Variants in MID2 observed in about 807,000 individuals in gnomAD.
MID2 encodes probable E3 ubiquitin-protein ligase MID2.
Under a neutral mutation model 46.1 loss-of-function variants are expected in MID2, and 13 were observed. The observed-to-expected ratio is 0.28, with a 90% CI of 0.18 to 0.45. The LOEUF is 0.45. Among genes scored for constraint, MID2 ranks in the 20% least tolerant of loss-of-function variants. The pLI, the probability that MID2 is intolerant of heterozygous loss-of-function variation, is 1.00. For synonymous variants in MID2, 199 were observed against 212.3 expected, an observed-to-expected ratio of 0.94 and a Z score of 0.55; for missense variants, 431 against 575.4, an observed-to-expected ratio of 0.75 and a Z score of 2.57.
At chrX:107,841,583 A>T (rs1931348660) in intron 2 of MID2, among the ~76,000 whole-genome samples, 198 bp downstream of exon 2, 1 of 112,408 alleles carries the variant, frequency 8.9e-6, no homozygotes, top group Admixed American at 9.4e-5. Context: ...GCAGTCACAC[A>T]CTTCTGGCTA....
intron 3 of MID2, among the ~76,000 whole-genome samples, chrX:107,877,472 A>T (rs1349112604): frequency 1.8e-5 from 2 of 112,189 alleles, no homozygotes; most frequent in African/African-American, 6.5e-5. Flanking sequence ...TCTTTCAGTG[A>T]AAACTTGAGG....
At chrX:107,850,850 C>T (rs929997876) in intron 2 of MID2, among the ~76,000 whole-genome samples, 3 of 111,646 alleles carry the variant, frequency 2.7e-5, no homozygotes, top group Non-Finnish European at 5.6e-5. Flanking sequence ...TTTGCTATGT[C>T]CTGCTCTGTA....
intron 3 of MID2, among the ~76,000 whole-genome samples, chrX:107,886,233 T>G (rs1346032748): frequency 8.9e-6 from 1 of 112,405 alleles, no homozygotes; most frequent in Non-Finnish European, 1.9e-5. Flanking sequence ...CTAGGTTTTC[T>G]TCTAGGAGTT....
rs1304968649 is a variant in MID2, at chrX:107,928,492, T to C, written c.*1419T>C. 9.0e-6 allele frequency among the ~76,000 whole-genome samples: 1 copy of C among 110,859 alleles called. No homozygotes were observed. Among genetic ancestry groups the C allele is most frequent in the Non-Finnish European group, 1.9e-5 (1 of 52,920 alleles). On this transcript the variant is annotated 3_prime_UTR_variant, in exon 10 of 10. Transcript: ENST00000262843. ...CCAGGAGCTAAGTTGGCTTCGGAAG[T>C]CTTCTGGGATTTGTGAAAATATTAC...
At position 107,863,914 on chromosome X, in the gene MID2, A is replaced by G. The variant is rs752855798; in HGVS notation, c.816+9210A>G. On this transcript the variant is annotated intron_variant, in intron 3 of 9. Coordinates refer to ENST00000262843, the MANE Select transcript of MID2 (RefSeq NM_012216.4). ...AATAATTTGTTCTGGGCACTGTGCT[A>G]GAGACATCATTTCTAATCTCACTTA... Among the ~76,000 whole-genome samples, 4 of 112,409 alleles carry G rather than the reference A, an allele frequency of 3.6e-5. No homozygotes were observed. In the South Asian group the frequency reaches 1.1e-3, roughly 31 times the overall value.
rs761216078 is a variant in MID2, at chrX:107,910,838, C to CTTTCCTCTCCT, written c.1074-5164_1074-5163insTTTCCTCTCCT. On this transcript the variant is annotated intron_variant, in intron 5 of 9. Coordinates refer to ENST00000262843, the MANE Select transcript of MID2 (RefSeq NM_012216.4). ...CTTTCCTTTCCTTTCCTTTCCTTTC[C>CTTTCCTCTCCT]CTCTCTCTTTCTCCCTCTCTCTCTC... 2.4e-4 allele frequency among the ~76,000 whole-genome samples: 10 copies of CTTTCCTCTCCT among 42,082 alleles called. 2 individuals carry two copies. Among genetic ancestry groups the CTTTCCTCTCCT allele is most frequent in the African/African-American group, 1.7e-3 (3 of 1,748 alleles). 36.5% of individuals were successfully genotyped at this position (42,082 alleles called of 115,157 possible).
rs140735708 is a variant in MID2 at position 107,905,521 on chromosome X, G to A, written c.968G>A (p.Arg323His). The A allele has an allele frequency of 5.8e-6, 7 of 1,205,118 alleles. No homozygotes were observed. Among genetic ancestry groups the A allele is most frequent in the African/African-American group, 1.8e-5 (1 of 56,994 alleles). ...TTGGCACAGCAGGTTGCTAATTGCC[G>A]CCAGTGTCTTGAACGGTCAACAGTC... ...RKLAQQVANCRQCLERSTVLI... is the reference protein window; with the variant it reads ...RKLAQQVANCHQCLERSTVLI... The change falls in exon 5 of 10, where the codon CGC (arginine) becomes CAC (histidine). Residue 323 changes from arginine to histidine, a missense_variant. Arg to His is a conservative substitution (Grantham distance 29). Transcript: ENST00000262843.
chrX:107,854,510 T>C (rs1404993526), intron 2 of MID2, 99 bp from the exon 3 acceptor site: 1 of 587,217 alleles, frequency 1.7e-6, no homozygotes, highest in Non-Finnish European at 2.9e-6. Context: ...ATTTGTCTAC[T>C]GACTAACCGA....
intron 1 of MID2, among the ~76,000 whole-genome samples, chrX:107,833,430 T>TA (rs1491410958): frequency 0.049 from 4,969 of 101,111 alleles, 323 homozygotes; most frequent in African/African-American, 0.19. Context: ...TATATATATA[T>TA]TTTTTTTAAA....
chrX:107,828,588 G>C (rs1038324111), intron 1 of MID2, among the ~76,000 whole-genome samples: 4 of 111,829 alleles, frequency 3.6e-5, no homozygotes, highest in Non-Finnish European at 7.5e-5. Context: ...TTACAGGCGA[G>C]AGCGACAATG....
chrX:107,849,668 A>C (rs748668182), intron 2 of MID2, among the ~76,000 whole-genome samples: 4 of 112,352 alleles, frequency 3.6e-5, no homozygotes, highest in African/African-American at 6.5e-5. Context: ...AAATGGAATC[A>C]GTGTAGACTG....
At chrX:107,886,249 C>A (rs1274425287) in intron 3 of MID2, among the ~76,000 whole-genome samples, 2 of 111,935 alleles carry the variant, frequency 1.8e-5, no homozygotes, top group Admixed American at 9.5e-5. Context: ...GAGTTTTATG[C>A]TTTTAGGTCT....
intron 3 of MID2, among the ~76,000 whole-genome samples, chrX:107,877,825 C>G (rs1455868724): frequency 2.7e-5 from 3 of 110,759 alleles, no homozygotes; most frequent in Non-Finnish European, 5.7e-5. Context: ...GGCTTCAACC[C>G]AAAGTTTAAA....
chrX:107,913,015 C>T (rs746859019), intron 5 of MID2, among the ~76,000 whole-genome samples: 133 of 110,569 alleles, frequency 1.2e-3, no homozygotes, highest in African/African-American at 4.1e-3. Flanking sequence ...GCAACAAGAT[C>T]GCTAATGTTG....
chrX:107,921,160 C>T (rs1373540942), intron 7 of MID2, among the ~76,000 whole-genome samples: 9 of 111,859 alleles, frequency 8.0e-5, no homozygotes, highest in Admixed American at 2.8e-4. Context: ...TAATCTGGAA[C>T]ATTTCTTCAG....
rs1467619954 is a variant in MID2 at position 107,928,532 on chromosome X, A to T, written c.*1459A>T. ...GAAAATATTACTGTTGTAAAATTAC[A>T]AAGTGGTAGCCATAACAACTCCCTC... On this transcript the variant is annotated 3_prime_UTR_variant, in exon 10 of 10. Transcript: ENST00000262843. Among the ~76,000 whole-genome samples the T allele has an allele frequency of 2.7e-5, 3 of 111,693 alleles. No individual in the cohort carries two copies. Among genetic ancestry groups the T allele is most frequent in the Admixed American group, 9.5e-5 (1 of 10,543 alleles).
At chrX:107,919,316 C>A (rs1456377103) in intron 7 of MID2, among the ~76,000 whole-genome samples, 1 of 111,217 alleles carries the variant, frequency 9.0e-6, no homozygotes, top group Non-Finnish European at 1.9e-5. Context: ...AACTGGGGCT[C>A]AGGTTGAGTG....
chrX:107,915,688 T>G (rs1932958873), intron 5 of MID2, among the ~76,000 whole-genome samples: 3 of 111,679 alleles, frequency 2.7e-5, no homozygotes, highest in Non-Finnish European at 5.6e-5. Flanking sequence ...AAAGGTCTAG[T>G]TTTGATGCTG....
chrX:107,826,055 A>G lies in MID2; in HGVS notation c.-372A>G. 3.4e-6 allele frequency: 1 copy of G among 294,723 alleles called. No homozygotes were observed. The highest frequency in any genetic ancestry group is 4.8e-5 in the East Asian group (1 of 20,839). 24.3% of individuals were successfully genotyped at this position (294,723 alleles called of 1,213,427 possible). On this transcript the variant is annotated 5_prime_UTR_variant, in exon 1 of 10. Coordinates refer to ENST00000262843, the MANE Select transcript of MID2 (RefSeq NM_012216.4). ...GCCCCCACTCCGCCTCCCTTTTGGA[A>G]GGGATTGCCTTTTTTTTCCTCTGCG...
Sources: allele counts gnomAD v4.1 joint callset (sites outside exome capture counted in the v4.1 genomes callset), GRCh38; gene constraint gnomAD v4.1.1; transcripts MANE v1.5; gene names NCBI Gene and HGNC (gene_info 2026-07-23, HGNC 2026-07-21).